The following VRTN variants were observed in gnomAD, a reference collection of about 807,000 sequenced individuals.
VRTN encodes the protein vertebrae development associated.
A neutral mutation model predicts 18.2 loss-of-function variants in VRTN; 5 were observed. The observed-to-expected ratio is 0.27, with a 90% CI of 0.14 to 0.58. The LOEUF (loss-of-function observed/expected upper bound fraction) is 0.58, where lower values mean the gene tolerates loss of function less well. Among genes scored for constraint, VRTN ranks in the 20% least tolerant of loss-of-function variants. VRTN has a pLI of 0.91. For synonymous variants in VRTN, 381 were observed against 393.7 expected, an observed-to-expected ratio of 0.97 and a Z score of 0.38; for missense variants, 741 against 939.4, an observed-to-expected ratio of 0.79 and a Z score of 2.76.
Position 74,334,953 on chromosome 14 carries a change from A to G in VRTN, c.-163-2770A>G, listed in dbSNP as rs530461373. ...ACAAAGAGTATGATTCCTGCCTTCA[A>G]AGAAATCTAGTAGGGGAGACCTGCA... On this transcript the variant is annotated intron_variant, in intron 1 of 2. Coordinates refer to the VRTN transcript ENST00000557177. Among the ~76,000 whole-genome samples, 6 of 152,264 alleles carry G rather than the reference A, an allele frequency of 3.9e-5. No homozygotes were observed. In the East Asian group the frequency reaches 1.2e-3, roughly 29 times the overall value.
intron 1 of VRTN, among the ~76,000 whole-genome samples, chr14:74,336,968 A>G (rs1002208849): frequency 6.6e-6 from 1 of 152,162 alleles, no homozygotes; most frequent in African/African-American, 2.4e-5. Context: ...CGTATTTTGA[A>G]AATTTACTTT....
rs139470506 is a variant in VRTN at position 74,304,317 on chromosome 14, C to T, written c.-164+1141C>T. 8.1e-3 allele frequency among the ~76,000 whole-genome samples: 1,235 copies of T among 151,902 alleles called. 10 individuals are homozygous for T. Among genetic ancestry groups the T allele is most frequent in the African/African-American group, 0.028 (1,171 of 41,418 alleles). ...GATTACAGGCATGCACCACTATACC[C>T]GGCTAATTTTGTATTTTTAGTAGAG... On this transcript the variant is annotated intron_variant, in intron 1 of 2. Transcript: ENST00000557177.
intron 1 of VRTN, among the ~76,000 whole-genome samples, chr14:74,304,481 G>A (rs775314157): frequency 6.6e-6 from 1 of 152,136 alleles, no homozygotes; most frequent in East Asian, 1.9e-4. Context: ...GAAGTGCTAT[G>A]ACAAACATAC....
At chr14:74,310,607 G>A (rs1172118566) in intron 1 of VRTN, among the ~76,000 whole-genome samples, 1 of 144,262 alleles carries the variant, frequency 6.9e-6, no homozygotes, top group African/African-American at 2.6e-5. Flanking sequence ...GCACAATCCC[G>A]GCTCACTGCA....
chr14:74,346,292 C>T (rs1455869215), upstream of VRTN, among the ~76,000 whole-genome samples: 1 of 151,888 alleles, frequency 6.6e-6, no homozygotes, highest in African/African-American at 2.4e-5. Context: ...GAGTGAAACC[C>T]TGTGTCAAAA....
chr14:74,334,069 T>C (rs1015295331), intron 1 of VRTN, among the ~76,000 whole-genome samples: 1 of 152,182 alleles, frequency 6.6e-6, no homozygotes, highest in African/African-American at 2.4e-5. Context: ...AAGTAGTAAG[T>C]GGCTCACCCA....
At chr14:74,316,854 G>A (rs570842149) in intron 1 of VRTN, among the ~76,000 whole-genome samples, 3 of 151,990 alleles carry the variant, frequency 2.0e-5, no homozygotes, top group African/African-American at 7.2e-5. Context: ...AGCCAGGATG[G>A]TCTCGATTTC....
At chr14:74,323,147 C>A (rs1343905662) in intron 1 of VRTN, among the ~76,000 whole-genome samples, 2 of 151,828 alleles carry the variant, frequency 1.3e-5, no homozygotes, top group Non-Finnish European at 2.9e-5. Flanking sequence ...AAAAAGCATA[C>A]TGGGAATATT....
At chr14:74,321,574 C>G (rs150500821) in intron 1 of VRTN, among the ~76,000 whole-genome samples, 1 of 144,314 alleles carries the variant, frequency 6.9e-6, no homozygotes, top group Non-Finnish European at 1.5e-5. Context: ...GGTGTGGTCT[C>G]GGCTCACTGC....
intron 1 of VRTN, among the ~76,000 whole-genome samples, chr14:74,320,460 T>C (rs533830090): frequency 2.1e-3 from 310 of 149,654 alleles, no homozygotes; most frequent in South Asian, 4.0e-3. Context: ...GACGGGGTTT[T>C]ACCATGTTAG....
intron 1 of VRTN, among the ~76,000 whole-genome samples, chr14:74,349,964 TC>T (rs1428687117): frequency 3.9e-5 from 6 of 152,120 alleles, no homozygotes; most frequent in Non-Finnish European, 5.9e-5. Context: ...TCATACCTTT[TC>T]AGATCACTTC....
chr14:74,327,996 C>T (rs1032200421), intron 1 of VRTN, among the ~76,000 whole-genome samples: 3 of 152,038 alleles, frequency 2.0e-5, no homozygotes, highest in South Asian at 2.1e-4. Context: ...GCTGGGATTA[C>T]AGGCATGAGC....
Position 74,356,768 on chromosome 14 carries a change from C to A in VRTN, c.-1-15C>A. 1 of 1,570,134 alleles carries A rather than the reference C, an allele frequency of 6.4e-7. No individual in the cohort carries two copies. Among genetic ancestry groups the A allele is most frequent in the Non-Finnish European group, 8.6e-7 (1 of 1,156,782 alleles). On this transcript the variant is annotated splice_polypyrimidine_tract_variant and intron_variant, in intron 1 of 1. Coordinates refer to ENST00000256362, the MANE Select transcript of VRTN (RefSeq NM_018228.3). ...TTCGACCTGACTACTGCCCCTTTAT[C>A]TTTTGCCCTGGCAGGATGACTTCTC... is the stretch of plus-strand genomic sequence containing the variant.
chr14:74,349,227 CCCAAAGG>C (rs2085666838), intron 1 of VRTN, among the ~76,000 whole-genome samples: 2 of 152,208 alleles, frequency 1.3e-5, no homozygotes, highest in African/African-American at 2.4e-5. Flanking sequence ...GAAGTCACAG[CCCAAAGG>C]CTTGGCTGCC....
Position 74,359,182 on chromosome 14 carries a change from G to T in VRTN, c.*290G>T, listed in dbSNP as rs1344619967. 3.5e-5 allele frequency: 14 copies of T among 402,208 alleles called. No individual in the cohort carries two copies. The South Asian group carries it at 4.4e-4, about 13-fold the overall frequency. The allele number at this position is 402,208 out of a possible 1,614,324, so 24.9% of individuals were successfully genotyped here. A position where few individuals can be genotyped will look rare whatever the true frequency, so the allele number is the denominator to read the frequency against. The stretch of plus-strand genomic sequence containing the variant: ...TTTTTGGTTTTGATTTGAGTGGGTT[G>T]GTTGGCCCCCTTGCTGGAGTTGGAA... On this transcript the variant is annotated 3_prime_UTR_variant, in exon 2 of 2. Coordinates refer to ENST00000256362, the MANE Select transcript of VRTN (RefSeq NM_018228.3).
At chr14:74,337,509 G>A (rs569687251) in intron 1 of VRTN, among the ~76,000 whole-genome samples, 16 of 152,234 alleles carry the variant, frequency 1.1e-4, no homozygotes, top group African/African-American at 3.6e-4. Flanking sequence ...GGAAGAGCAG[G>A]GTGATTGGGA....
Position 74,318,709 on chromosome 14 carries a change from G to A in VRTN, c.-164+15533G>A, listed in dbSNP as rs549043302. 2.2e-3 allele frequency among the ~76,000 whole-genome samples: 314 copies of A among 143,152 alleles called. 2 individuals are homozygous for A. The highest frequency in any genetic ancestry group is 8.0e-3 in the African/African-American group (296 of 37,002). 93.9% of individuals were successfully genotyped at this position (143,152 alleles called of 152,430 possible). A position where few individuals can be genotyped will look rare whatever the true frequency, so the allele number is the denominator to read the frequency against. ...TTACAGGCGTGAGCCACCGTGTCCG[G>A]CCTTTTTTTTTTTTTTTTTTTTTAA... On this transcript the variant is annotated intron_variant, in intron 1 of 2. Transcript: ENST00000557177.
intron 1 of VRTN, among the ~76,000 whole-genome samples, chr14:74,317,304 G>A (rs891212426): frequency 6.6e-6 from 1 of 152,158 alleles, no homozygotes; most frequent in African/African-American, 2.4e-5. Context: ...GTAGAGAAGT[G>A]GCTCTCAACC....
At chr14:74,352,476 C>G (rs1255306577) in intron 1 of VRTN, among the ~76,000 whole-genome samples, 2 of 152,186 alleles carry the variant, frequency 1.3e-5, no homozygotes, top group Non-Finnish European at 2.9e-5. Context: ...TGCGCCCCAG[C>G]CCTACTTTTA....
Sources: gnomAD v4.1 joint callset for allele counts (sites outside exome capture counted in the v4.1 genomes callset) on GRCh38, gnomAD v4.1.1 for gene constraint, MANE v1.5 for transcripts, NCBI Gene and HGNC (gene_info 2026-07-23, HGNC 2026-07-21) for gene names.